The following GAB2 variants were observed in gnomAD, a reference collection of about 807,000 sequenced individuals.
GAB2 encodes GRB2 associated binding protein 2.
Under a neutral mutation model 65.5 loss-of-function variants are expected in GAB2, and 26 were observed. That is an observed-to-expected ratio of 0.40 (90% confidence interval 0.29 to 0.55). The LOEUF is 0.55. GAB2 is among the 20% of genes least tolerant of loss of function. The probability of loss-of-function intolerance (pLI) is 0.53; values close to 1 mark genes in which losing one functional copy is unlikely to be tolerated. For synonymous variants in GAB2, 321 were observed against 329.6 expected (o/e 0.97, Z 0.28); for missense variants, 884 against 875.8 (o/e 1.01, Z -0.12).
chr11:78,314,843 G>A (rs772578148), intron 1 of GAB2, among the ~76,000 whole-genome samples: 6 of 152,194 alleles, frequency 3.9e-5, no homozygotes, highest in Admixed American at 1.3e-4. Context: ...CTACTGGGAC[G>A]CAGAGGTGAA....
chr11:78,317,941 TACAA>T (rs1415733195), intron 1 of GAB2, among the ~76,000 whole-genome samples: 22 of 152,294 alleles, frequency 1.4e-4, no homozygotes, highest in Admixed American at 1.2e-3. Context: ...TAAAAGAACT[TACAA>T]ACAACCTGGC....
rs756252981 is a variant in GAB2 at position 78,226,963 on chromosome 11, A to T, written c.709T>A (p.Cys237Ser). The T allele has an allele frequency of 6.2e-7, 1 of 1,613,642 alleles. No homozygotes were observed. Among genetic ancestry groups the T allele is most frequent in the Non-Finnish European group, 8.5e-7 (1 of 1,179,662 alleles). ...ACTTGACCACTGATCCCGTTGACAC[A>T]GTGTCCATTGCCCTGGGCAAGTTTT... Reference protein sequence around the residue: ...VQKLAQGNGHCVNGISGQVHG... With the variant: ...VQKLAQGNGHSVNGISGQVHG... The change falls in exon 4 of 10, where the codon TGT (cysteine) becomes AGT (serine). Residue 237 changes from cysteine (C) to serine (S), a missense_variant. Coordinates refer to ENST00000361507, the MANE Select transcript of GAB2 (RefSeq NM_080491.3).
At chr11:78,232,161 G>T (rs1864867261) in intron 3 of GAB2, among the ~76,000 whole-genome samples, 2 of 152,144 alleles carry the variant, frequency 1.3e-5, no homozygotes, top group Admixed American at 6.5e-5. Flanking sequence ...GAATGAGTCA[G>T]GGAAGACTTA....
intron 1 of GAB2, among the ~76,000 whole-genome samples, chr11:78,333,627 T>C (rs1017522595): frequency 6.6e-6 from 1 of 152,138 alleles, no homozygotes; most frequent in Non-Finnish European, 1.5e-5. Context: ...AAAAACAAAA[T>C]GTAGGTGGTC....
rs534585100 is a variant in GAB2, at chr11:78,417,514, G to C, written c.75+132C>G. 7.3e-4 allele frequency: 216 copies of C among 296,270 alleles called. 1 individual carries two copies. The highest frequency in any genetic ancestry group is 4.6e-3 in the African/African-American group (200 of 43,478). The allele number at this position is 296,270 out of a possible 1,614,324, so 18.4% of individuals were successfully genotyped here. On this transcript the variant is annotated intron_variant, in intron 1 of 9. Transcript: ENST00000361507. ...GCAGGTGCCCCACACGCCCCCGGCC[G>C]CTCCTCGCCCCCGGCCCCCCGCGGC...
In GAB2 at chr11:78,331,212, C is replaced by T. The variant is rs1474833813; in HGVS notation, c.76-50311G>A. ...AAAATAAAATAAATAAATAGCAGGA[C>T]CAGCACTCCAACTCTTTTGATCCAA... is the stretch of plus-strand genomic sequence containing the variant. On this transcript the variant is annotated intron_variant, in intron 1 of 9. Coordinates refer to ENST00000361507, the MANE Select transcript of GAB2 (RefSeq NM_080491.3). 2.0e-5 allele frequency among the ~76,000 whole-genome samples: 3 copies of T among 151,176 alleles called. No individual in the cohort carries two copies. In the South Asian group the frequency reaches 6.2e-4, roughly 31 times the overall value.
intron 2 of GAB2, among the ~76,000 whole-genome samples, chr11:78,258,605 GT>G (rs34113792): frequency 4.1e-5 from 6 of 147,506 alleles, no homozygotes; most frequent in Non-Finnish European, 4.5e-5. Flanking sequence ...TTAATTTTCT[GT>G]TTTTTTTTTG....
chr11:78,269,210 G>A (rs1044975259), intron 2 of GAB2, among the ~76,000 whole-genome samples: 33 of 152,262 alleles, frequency 2.2e-4, no homozygotes, highest in African/African-American at 7.9e-4. Context: ...TGAGAGAGGA[G>A]TCTCAGCCTG....
At chr11:78,221,844 C>T in intron 7 of GAB2, 65 bp from the exon 8 acceptor site, 1 of 1,149,404 alleles carries the variant, frequency 8.7e-7, no homozygotes, top group Non-Finnish European at 1.3e-6. Context: ...TTCTAGCCTC[C>T]AGCTGGGCCC....
At chr11:78,224,662 G>A (rs973119991) in intron 5 of GAB2, among the ~76,000 whole-genome samples, 3 of 152,290 alleles carry the variant, frequency 2.0e-5, no homozygotes, top group Admixed American at 2.0e-4. Flanking sequence ...GAGAACTGCG[G>A]TTAGCATCTT....
intron 2 of GAB2, among the ~76,000 whole-genome samples, chr11:78,261,127 A>C (rs928097225): frequency 1.3e-5 from 2 of 152,162 alleles, no homozygotes; most frequent in African/African-American, 2.4e-5. Flanking sequence ...TCACGCATAC[A>C]TATAAATTAG....
intron 1 of GAB2, among the ~76,000 whole-genome samples, chr11:78,310,708 G>A (rs1307232483): frequency 2.6e-5 from 4 of 152,030 alleles, no homozygotes; most frequent in African/African-American, 9.7e-5. Context: ...AAGGCGAACC[G>A]CAGCCCAGGC....
At position 78,405,091 on chromosome 11, in the gene GAB2, ATTTTTTT is replaced by A. The variant is rs1174366754; in HGVS notation, c.75+12548_75+12554del. Among the ~76,000 whole-genome samples, 433 of 93,244 alleles carry A rather than the reference ATTTTTTT, an allele frequency of 4.6e-3. 2 individuals carry two copies. The highest frequency in any genetic ancestry group is 0.02 in the African/African-American group (376 of 19,236). 61.2% of individuals were successfully genotyped at this position (93,244 alleles called of 152,430 possible). On this transcript the variant is annotated intron_variant, in intron 1 of 9. Coordinates refer to ENST00000361507, the MANE Select transcript of GAB2 (RefSeq NM_080491.3). ...CACAGAATGTGGGGAAAAAACATGG[ATTTTTTT>A]TTTTTTTTTTTTTTTTTTGAGATGG...
chr11:78,393,084 TCTC>T (rs1856854098), intron 1 of GAB2, among the ~76,000 whole-genome samples: 1 of 151,754 alleles, frequency 6.6e-6, no homozygotes, highest in Non-Finnish European at 1.5e-5. Context: ...GGAAGATAAA[TCTC>T]CTTCAGGAGG....
chr11:78,235,394 C>T (rs189674372), intron 3 of GAB2, among the ~76,000 whole-genome samples: 69 of 152,126 alleles, frequency 4.5e-4, no homozygotes, highest in Non-Finnish European at 7.4e-4. Flanking sequence ...CCTTGAGATC[C>T]GCCCACCTCA....
intron 1 of GAB2, among the ~76,000 whole-genome samples, chr11:78,354,814 G>T (rs1856333205): frequency 6.6e-6 from 1 of 152,176 alleles, no homozygotes; most frequent in South Asian, 2.1e-4. Context: ...TCTTAGGAGA[G>T]AACTGGGGCT....
rs185869836 is a variant in GAB2 at position 78,248,113 on chromosome 11, T to C, written c.620+2044A>G. On this transcript the variant is annotated intron_variant, in intron 3 of 9. Transcript: ENST00000361507. ...AGTAATGTATTAATATAAAAATCCATTCTACAAGGCAGAAAGTTCCAAATG... is the reference window on the plus strand; with the variant it reads ...AGTAATGTATTAATATAAAAATCCACTCTACAAGGCAGAAAGTTCCAAATG... Among the ~76,000 whole-genome samples the C allele has an allele frequency of 7.2e-5, 11 of 152,312 alleles. No homozygotes were observed. In the East Asian group the frequency reaches 2.1e-3, roughly 29 times the overall value.
intron 3 of GAB2, among the ~76,000 whole-genome samples, chr11:78,247,899 T>C (rs192276527): frequency 7.9e-5 from 12 of 152,264 alleles, no homozygotes; most frequent in African/African-American, 2.4e-4. Context: ...ATCCTGCTCA[T>C]TACCCTCTCA....
intron 1 of GAB2, among the ~76,000 whole-genome samples, chr11:78,410,698 C>T (rs1857116470): frequency 6.6e-6 from 1 of 152,150 alleles, no homozygotes; most frequent in Non-Finnish European, 1.5e-5. Context: ...TTCTATAATT[C>T]AGCCAATATG....
Sources: gnomAD v4.1 joint callset for allele counts (sites outside exome capture counted in the v4.1 genomes callset) on GRCh38, gnomAD v4.1.1 for gene constraint, MANE v1.5 for transcripts, NCBI Gene and HGNC (gene_info 2026-07-23, HGNC 2026-07-21) for gene names.